FAM237B: variants seen among roughly 807,000 people sequenced by gnomAD.
FAM237B encodes protein FAM237B.
chr7:90,318,076 A>T lies in FAM237B; in HGVS notation c.*1253T>A, dbSNP rs556893009. ...GAGAAGTGGGAAACAGACCAAATTT[A>T]TAGGCACCCTTTATCAAAGGTATAG... On this transcript the variant is annotated 3_prime_UTR_variant, in exon 3 of 3. Coordinates refer to ENST00000692316, the MANE Select transcript of FAM237B (RefSeq NM_001384237.2). 8 of 152,326 alleles carry T rather than the reference A, an allele frequency of 5.3e-5. No homozygotes were observed. The highest frequency in any genetic ancestry group is 1.3e-4 in the Admixed American group (2 of 15,290). 9.4% of individuals were successfully genotyped at this position (152,326 alleles called of 1,614,324 possible).
In FAM237B at chr7:90,319,173, T is replaced by C. The variant is rs1363199408; in HGVS notation, c.*156A>G. ...ATCATTTAAAATTGTAAGTCAGAGC[T>C]TGTGTGGTTTGTAAATAATGTAAAA... On this transcript the variant is annotated 3_prime_UTR_variant, in exon 3 of 3. Transcript: ENST00000692316. 5.1e-6 allele frequency: 2 copies of C among 392,352 alleles called. No individual in the cohort carries two copies. Among genetic ancestry groups the C allele is most frequent in the Middle Eastern group, 6.4e-4 (1 of 1,556 alleles). 24.3% of individuals were successfully genotyped at this position (392,352 alleles called of 1,614,324 possible).
intron 2 of FAM237B, among the ~76,000 whole-genome samples, chr7:90,320,032 C>T (rs1795173982): frequency 6.6e-6 from 1 of 152,116 alleles, no homozygotes; most frequent in Admixed American, 6.5e-5. Context: ...TGGCAGAAAC[C>T]CTAAAGAGCT....
rs541827398 is a variant in FAM237B, at chr7:90,319,041, A to G, written c.*288T>C. ...CATGTCTGATGTTTAAAATTTCTTCAACAAATGTAATATGAATAATTACAG... is the reference window on the plus strand; with the variant it reads ...CATGTCTGATGTTTAAAATTTCTTCGACAAATGTAATATGAATAATTACAG... On this transcript the variant is annotated 3_prime_UTR_variant, in exon 3 of 3. Coordinates refer to ENST00000692316, the MANE Select transcript of FAM237B (RefSeq NM_001384237.2). 1.3e-4 allele frequency: 28 copies of G among 216,118 alleles called. No homozygotes were observed. Among genetic ancestry groups the G allele is most frequent in the African/African-American group, 6.3e-4 (28 of 44,318 alleles). 13.4% of individuals were successfully genotyped at this position (216,118 alleles called of 1,614,324 possible).
intron 2 of FAM237B, 96 bp from the exon 3 acceptor site, chr7:90,319,847 T>C (rs532595830): frequency 1.8e-5 from 7 of 397,568 alleles, no homozygotes. Flanking sequence ...ATATTTGCTT[T>C]TGATCAAGCC....
Position 90,317,088 on chromosome 7 carries a change from G to A in FAM237B, c.*2241C>T, listed in dbSNP as rs1794871097. On this transcript the variant is annotated 3_prime_UTR_variant, in exon 3 of 3. Coordinates refer to ENST00000692316, the MANE Select transcript of FAM237B (RefSeq NM_001384237.2). The stretch of plus-strand genomic sequence containing the variant: ...TGAATTCTAGGTGGATAGCTGTCAG[G>A]TCATTTTTTTTTTTTTAGACCAAAA... The A allele has an allele frequency of 6.6e-6, 1 of 151,672 alleles. No individual in the cohort carries two copies. Among genetic ancestry groups the A allele is most frequent in the African/African-American group, 2.4e-5 (1 of 41,252 alleles). The allele number at this position is 151,672 out of a possible 1,614,324, so 9.4% of individuals were successfully genotyped here. A position where few individuals can be genotyped will look rare whatever the true frequency, so the allele number is the denominator to read the frequency against.
chr7:90,319,495 C>A lies in FAM237B; in HGVS notation c.254G>T (p.Gly85Val). The A allele has an allele frequency of 2.5e-6, 1 of 398,448 alleles. No individual in the cohort carries two copies. The highest frequency in any genetic ancestry group is 4.4e-5 in the Admixed American group (1 of 22,700). The allele number at this position is 398,448 out of a possible 1,614,324, so 24.7% of individuals were successfully genotyped here. A position where few individuals can be genotyped will look rare whatever the true frequency, so the allele number is the denominator to read the frequency against. Reference protein sequence around the residue: ...MLFLQKSQRPGHYNVFLNIAQ... With the variant: ...MLFLQKSQRPVHYNVFLNIAQ... ...TATGTTTAAGAAGACATTATAATGT[C>A]CAGGCCGCTGAGATTTTTGCAAGAA... The change falls in exon 3 of 3, where the codon GGA becomes GTA. Residue 85 changes from glycine (G) to valine (V), a missense_variant. Transcript: ENST00000692316.
rs1294546140 is a variant in FAM237B at position 90,319,366 on chromosome 7, A to G, written c.383T>C (p.Ile128Thr). 2 of 398,432 alleles carry G rather than the reference A, an allele frequency of 5.0e-6. No homozygotes were observed. The highest frequency in any genetic ancestry group is 8.8e-6 in the Non-Finnish European group (2 of 226,026). 24.7% of individuals were successfully genotyped at this position (398,432 alleles called of 1,614,324 possible). A position where few individuals can be genotyped will look rare whatever the true frequency, so the allele number is the denominator to read the frequency against. The change falls in exon 3 of 3, where the codon ATA becomes ACA. Residue 128 changes from isoleucine (I) to threonine (T), a missense_variant. Physicochemically the swap from Ile to Thr is moderately conservative, Grantham distance 89 (BLOSUM62 -1). Transcript: ENST00000692316. ...ATACACATTTAAATTACCTCCTGTT[A>G]TTTTCTGTGGAAAATTATATTTGGG... Reference protein sequence around the residue: ...MPPKYNFPQKITGGNLNVYLR... With the variant: ...MPPKYNFPQKTTGGNLNVYLR...
Position 90,319,280 on chromosome 7 carries a change from GA to G in FAM237B, c.*48del, listed in dbSNP as rs757581476. The G allele has an allele frequency of 7.5e-6, 3 of 397,586 alleles. No individual in the cohort carries two copies. The highest frequency in any genetic ancestry group is 8.9e-6 in the Non-Finnish European group (2 of 225,566). The allele number at this position is 397,586 out of a possible 1,614,324, so 24.6% of individuals were successfully genotyped here. ...AATTTGCTACCTTGTTGGATAACTT[GA>G]AAAAAATCAGAAGAATTAAATAGTG... On this transcript the variant is annotated 3_prime_UTR_variant, in exon 3 of 3. Transcript: ENST00000692316.
chr7:90,320,180 C>G (rs1225038209), intron 2 of FAM237B, among the ~76,000 whole-genome samples: 1 of 152,180 alleles, frequency 6.6e-6, no homozygotes, highest in Non-Finnish European at 1.5e-5. Flanking sequence ...ACAGTCCTTT[C>G]TACATGTAAC....
rs1384806749 is a variant in FAM237B at position 90,318,365 on chromosome 7, T to C, written c.*964A>G. ...AGTTTCTGTCTTTGTTTATTGTTCC[T>C]TTTTCAAAACAAAGACAATAAAAAT... On this transcript the variant is annotated 3_prime_UTR_variant, in exon 3 of 3. Transcript: ENST00000692316. 6.6e-6 allele frequency: 1 copy of C among 152,168 alleles called. No homozygotes were observed. Among genetic ancestry groups the C allele is most frequent in the East Asian group, 1.9e-4 (1 of 5,202 alleles). 9.4% of individuals were successfully genotyped at this position (152,168 alleles called of 1,614,324 possible). A position where few individuals can be genotyped will look rare whatever the true frequency, so the allele number is the denominator to read the frequency against.
In FAM237B at chr7:90,317,373, T is replaced by C. The variant is rs1259631096; in HGVS notation, c.*1956A>G. ...AGCTTAATGGACATAAAATCACTCA[T>C]GTTTACACGCTGTCTGGTCATTTTT... is the stretch of plus-strand genomic sequence containing the variant. On this transcript the variant is annotated 3_prime_UTR_variant, in exon 3 of 3. Coordinates refer to ENST00000692316, the MANE Select transcript of FAM237B (RefSeq NM_001384237.2). 6.6e-6 allele frequency: 1 copy of C among 152,108 alleles called. No homozygotes were observed. Among genetic ancestry groups the C allele is most frequent in the Admixed American group, 6.6e-5 (1 of 15,266 alleles). The allele number at this position is 152,108 out of a possible 1,614,324, so 9.4% of individuals were successfully genotyped here. A position where few individuals can be genotyped will look rare whatever the true frequency, so the allele number is the denominator to read the frequency against.
In FAM237B at chr7:90,321,023, G is replaced by T. The variant is rs13224016; in HGVS notation, c.-152C>A. ...GTCCTGGGTGCGCTACGCTCGTTGGGAGGAGGACGGGGCGCCTCCTGCCCA... is the reference window on the plus strand; with the variant it reads ...GTCCTGGGTGCGCTACGCTCGTTGGTAGGAGGACGGGGCGCCTCCTGCCCA... On this transcript the variant is annotated 5_prime_UTR_variant, in exon 1 of 3. Transcript: ENST00000692316. 1 of 152,262 alleles carries T rather than the reference G, an allele frequency of 6.6e-6. No individual in the cohort carries two copies. The highest frequency in any genetic ancestry group is 2.4e-5 in the African/African-American group (1 of 41,472). 9.4% of individuals were successfully genotyped at this position (152,262 alleles called of 1,614,324 possible). A position where few individuals can be genotyped will look rare whatever the true frequency, so the allele number is the denominator to read the frequency against.
In FAM237B at chr7:90,319,067, G is replaced by C; in HGVS notation, c.*262C>G. 2 of 254,886 alleles carry C rather than the reference G, an allele frequency of 7.8e-6. No homozygotes were observed. The highest frequency in any genetic ancestry group is 5.4e-5 in the Admixed American group (1 of 18,506). The allele number at this position is 254,886 out of a possible 1,614,324, so 15.8% of individuals were successfully genotyped here. Reference sequence around the variant, plus strand: ...ACAAATGTAATATGAATAATTACAGGGTTAAATGGCTTTCTTATGAACTAT... The same window carrying C: ...ACAAATGTAATATGAATAATTACAGCGTTAAATGGCTTTCTTATGAACTAT... On this transcript the variant is annotated 3_prime_UTR_variant, in exon 3 of 3. Transcript: ENST00000692316.
rs541925991 is a variant in FAM237B, at chr7:90,320,685, C to A, written c.-8G>T. 2.0e-5 allele frequency: 3 copies of A among 152,294 alleles called. No homozygotes were observed. The highest frequency in any genetic ancestry group is 7.2e-5 in the African/African-American group (3 of 41,456). The allele number at this position is 152,294 out of a possible 1,614,324, so 9.4% of individuals were successfully genotyped here. A position where few individuals can be genotyped will look rare whatever the true frequency, so the allele number is the denominator to read the frequency against. Reference sequence around the variant, plus strand: ...GATCCAGAACACAGGACTCACCTTTCCCCCCGTACACAGCCGTCTGCCACC... The same window carrying A: ...GATCCAGAACACAGGACTCACCTTTACCCCCGTACACAGCCGTCTGCCACC... On this transcript the variant is annotated 5_prime_UTR_variant, in exon 2 of 3. Transcript: ENST00000692316.
chr7:90,319,969 T>G (rs1001326545), intron 2 of FAM237B, among the ~76,000 whole-genome samples: 1 of 152,208 alleles, frequency 6.6e-6, no homozygotes, highest in African/African-American at 2.4e-5. Context: ...GTCTTTGAAA[T>G]GCAACACATT....
At chr7:90,320,635 G>T (rs1164864286) in intron 2 of FAM237B, 46 bp downstream of exon 2, 2 of 152,208 alleles carry the variant, frequency 1.3e-5, no homozygotes, top group African/African-American at 4.8e-5. Flanking sequence ...GACAGCCAAC[G>T]GGGAGGGATA....
intron 2 of FAM237B, chr7:90,320,344 T>G (rs1428390778): frequency 6.6e-6 from 1 of 152,234 alleles, no homozygotes; most frequent in Admixed American, 6.5e-5. Context: ...TATTCTTGGC[T>G]TCCCTCTGTT....
chr7:90,320,134 C>T (rs1301659725), intron 2 of FAM237B, among the ~76,000 whole-genome samples: 1 of 152,216 alleles, frequency 6.6e-6, no homozygotes, highest in Non-Finnish European at 1.5e-5. Context: ...AAGACTCCTA[C>T]CTACCACAAC....
At position 90,321,074 on chromosome 7, in the gene FAM237B, A is replaced by T. The variant is rs1347945078; in HGVS notation, c.-203T>A. On this transcript the variant is annotated 5_prime_UTR_variant, in exon 1 of 3. Coordinates refer to ENST00000692316, the MANE Select transcript of FAM237B (RefSeq NM_001384237.2). ...CGAGGAACCAGAGGTTTCAGCGGGG[A>T]CGACCCCTGCCCAGGGCGCCCTCTG... 1 of 152,210 alleles carries T rather than the reference A, an allele frequency of 6.6e-6. No individual in the cohort carries two copies. Among genetic ancestry groups the T allele is most frequent in the Non-Finnish European group, 1.5e-5 (1 of 68,080 alleles). 9.4% of individuals were successfully genotyped at this position (152,210 alleles called of 1,614,324 possible).
Sources: gnomAD v4.1 joint callset for allele counts (sites outside exome capture counted in the v4.1 genomes callset) on GRCh38, gnomAD v4.1.1 for gene constraint, MANE v1.5 for transcripts, NCBI Gene and HGNC (gene_info 2026-07-23, HGNC 2026-07-21) for gene names.